Variants in RANBP17 observed in about 807,000 individuals in gnomAD.
The protein encoded by RANBP17 is ran-binding protein 17.
A neutral mutation model predicts 141.2 loss-of-function variants in RANBP17; 158 were observed. That is an observed-to-expected ratio of 1.12 (90% confidence interval 0.98 to 1.28). RANBP17 has a LOEUF of 1.28. RANBP17 is among the 50% of genes most tolerant of loss of function. The pLI, the probability that RANBP17 is intolerant of heterozygous loss-of-function variation, is 0.00. For synonymous variants in RANBP17, 430 were observed against 450.0 expected, an observed-to-expected ratio of 0.96 and a Z score of 0.56; for missense variants, 1,438 against 1,290.7, an observed-to-expected ratio of 1.11 and a Z score of -1.75.
chr5:171,160,141 G>A (rs904928555), intron 14 of RANBP17, among the ~76,000 whole-genome samples: 7 of 152,072 alleles, frequency 4.6e-5, no homozygotes, highest in African/African-American at 1.4e-4. Flanking sequence ...ATGCAGATAA[G>A]TTCTTGAGAT....
At chr5:170,995,113 C>G (rs1778727797) in intron 14 of RANBP17, among the ~76,000 whole-genome samples, 1 of 152,068 alleles carries the variant, frequency 6.6e-6, no homozygotes, top group African/African-American at 2.4e-5. Flanking sequence ...GAAAGTCAAA[C>G]TGTATATTGC....
At chr5:170,973,742 T>C (rs1189375219) in intron 14 of RANBP17, among the ~76,000 whole-genome samples, 1 of 152,212 alleles carries the variant, frequency 6.6e-6, no homozygotes, top group Non-Finnish European at 1.5e-5. Flanking sequence ...TCTCACAGTT[T>C]GAGAGCCTGA....
In RANBP17 at chr5:170,953,446, A is replaced by G. The variant is rs866099455; in HGVS notation, c.1469-151A>G. On this transcript the variant is annotated intron_variant, in intron 12 of 27. Coordinates refer to ENST00000523189, the MANE Select transcript of RANBP17 (RefSeq NM_022897.5). ...GTTCTACTGCCTTGATAAACTTAAA[A>G]CCGATCTGCTTTCTATCCAGAACTG... 4.6e-5 allele frequency: 26 copies of G among 560,400 alleles called. No homozygotes were observed. In the Middle Eastern group the frequency reaches 3.6e-3, roughly 77 times the overall value. The allele number at this position is 560,400 out of a possible 1,614,324, so 34.7% of individuals were successfully genotyped here.
chr5:170,936,277 T>TGC (rs1333928815), intron 12 of RANBP17, among the ~76,000 whole-genome samples: 1 of 152,098 alleles, frequency 6.6e-6, no homozygotes, highest in Non-Finnish European at 1.5e-5. Context: ...CTAGGTGGGC[T>TGC]GCACCGACTT....
chr5:171,292,768 C>G (rs187998955), intron 25 of RANBP17, among the ~76,000 whole-genome samples: 1 of 152,360 alleles, frequency 6.6e-6, no homozygotes, highest in African/African-American at 2.4e-5. Flanking sequence ...ACTATCGCAG[C>G]AGCCTCATCC....
chr5:171,270,895 C>T (rs535002458), intron 25 of RANBP17, among the ~76,000 whole-genome samples: 2 of 151,910 alleles, frequency 1.3e-5, no homozygotes, highest in Non-Finnish European at 1.5e-5. Flanking sequence ...TAGCAATTAT[C>T]GTCTTGAAAA....
chr5:171,267,881 G>T (rs1482017513), intron 25 of RANBP17, among the ~76,000 whole-genome samples: 2 of 152,020 alleles, frequency 1.3e-5, no homozygotes, highest in African/African-American at 4.8e-5. Context: ...ATGAAAGAAG[G>T]TTCCTTCCTG....
intron 18 of RANBP17, among the ~76,000 whole-genome samples, chr5:171,191,130 G>A (rs1237951178): frequency 6.6e-6 from 1 of 152,132 alleles, no homozygotes; most frequent in African/African-American, 2.4e-5. Context: ...CTTATAAGAG[G>A]TAATTGGCAT....
intron 18 of RANBP17, among the ~76,000 whole-genome samples, chr5:171,187,121 T>C (rs1761310659): frequency 1.3e-5 from 2 of 152,198 alleles, no homozygotes; most frequent in South Asian, 4.2e-4. Context: ...TCAATATTGT[T>C]GTGTCTCAGA....
At chr5:171,045,771 T>C (rs775947537) in intron 14 of RANBP17, among the ~76,000 whole-genome samples, 1 of 152,200 alleles carries the variant, frequency 6.6e-6, no homozygotes, top group Non-Finnish European at 1.5e-5. Flanking sequence ...TATATATTCA[T>C]GTAACCACTA....
rs1765092438 is a variant in RANBP17, at chr5:171,244,514, T to G, written c.2776+1694T>G. On this transcript the variant is annotated intron_variant, in intron 24 of 27. Transcript: ENST00000523189. ...CAGGCTGGAGTGCAGTGATGCAATCTCATCTTACTGCAACCTCCACCTCCC... is the reference window on the plus strand; with the variant it reads ...CAGGCTGGAGTGCAGTGATGCAATCGCATCTTACTGCAACCTCCACCTCCC... Among the ~76,000 whole-genome samples, 4 of 152,328 alleles carry G rather than the reference T, an allele frequency of 2.6e-5. No homozygotes were observed. The South Asian group carries it at 8.3e-4, about 32-fold the overall frequency.
intron 14 of RANBP17, among the ~76,000 whole-genome samples, chr5:170,975,603 G>C (rs1017631833): frequency 1.3e-5 from 2 of 152,096 alleles, no homozygotes; most frequent in Admixed American, 6.5e-5. Flanking sequence ...CAAAACAGTA[G>C]GACACAAACA....
intron 14 of RANBP17, among the ~76,000 whole-genome samples, chr5:171,098,290 C>A (rs975529302): frequency 1.3e-5 from 2 of 152,160 alleles, no homozygotes; most frequent in African/African-American, 2.4e-5. Flanking sequence ...ACATCCTCTC[C>A]AGCATCTGTT....
At chr5:171,045,566 T>C (rs1782529728) in intron 14 of RANBP17, among the ~76,000 whole-genome samples, 1 of 152,156 alleles carries the variant, frequency 6.6e-6, no homozygotes, top group Non-Finnish European at 1.5e-5. Context: ...AGACTAATTG[T>C]CTTTAAATCA....
At chr5:171,100,916 G>A (rs758451651) in intron 14 of RANBP17, among the ~76,000 whole-genome samples, 4 of 152,188 alleles carry the variant, frequency 2.6e-5, no homozygotes, top group South Asian at 2.1e-4. Context: ...AGTTTTGAGT[G>A]AGTTTCTTAA....
At chr5:171,063,078 T>C (rs1280409124) in intron 14 of RANBP17, among the ~76,000 whole-genome samples, 2 of 152,208 alleles carry the variant, frequency 1.3e-5, no homozygotes, top group Non-Finnish European at 2.9e-5. Flanking sequence ...TTTTTCAAAG[T>C]TTTTAACTTC....
chr5:171,041,811 G>T (rs781344830), intron 14 of RANBP17, among the ~76,000 whole-genome samples: 1 of 151,932 alleles, frequency 6.6e-6, no homozygotes, highest in African/African-American at 2.4e-5. Context: ...AAATGTGTGC[G>T]ATGGTGGTTT....
chr5:171,187,198 C>T (rs967854252), intron 18 of RANBP17, among the ~76,000 whole-genome samples: 1 of 152,120 alleles, frequency 6.6e-6, no homozygotes, highest in Admixed American at 6.5e-5. Flanking sequence ...AGTCAGCATA[C>T]ATAATATTTA....
At chr5:171,259,254 C>T (rs977257889) in intron 24 of RANBP17, among the ~76,000 whole-genome samples, 3 of 152,126 alleles carry the variant, frequency 2.0e-5, no homozygotes, top group African/African-American at 7.2e-5. Flanking sequence ...AAAGGAAACT[C>T]GTACACTGTT....
Sources: gnomAD v4.1 joint callset for allele counts (sites outside exome capture counted in the v4.1 genomes callset) on GRCh38, gnomAD v4.1.1 for gene constraint, MANE v1.5 for transcripts, NCBI Gene and HGNC (gene_info 2026-07-23, HGNC 2026-07-21) for gene names.